MAP2K3: variants seen among roughly 807,000 people sequenced by gnomAD.
MAP2K3 encodes the protein dual specificity mitogen-activated protein kinase kinase 3.
In MAP2K3, 30 loss-of-function variants were observed where a neutral mutation model predicts 46.4. The observed-to-expected ratio is 0.65, with a 90% CI of 0.48 to 0.88. The LOEUF (loss-of-function observed/expected upper bound fraction) is 0.88, where lower values mean the gene tolerates loss of function less well. Among genes scored for constraint, MAP2K3 ranks in the 40% least tolerant of loss-of-function variants. The pLI, the probability that MAP2K3 is intolerant of heterozygous loss-of-function variation, is 0.00. For missense variants in MAP2K3, 380 were observed against 464.5 expected (o/e 0.82, Z 1.67); for synonymous variants, 189 against 176.3 (o/e 1.07, Z -0.57).
Position 21,311,984 on chromosome 17 carries a change from C to T in MAP2K3, c.775-158C>T, listed in dbSNP as rs189331942. On this transcript the variant is annotated intron_variant, in intron 9 of 11. Coordinates refer to ENST00000342679, the MANE Select transcript of MAP2K3 (RefSeq NM_145109.3). Reference sequence around the variant, plus strand: ...TAAGAGCTGGCATCCCCGGCTTTCTCGCCTTTGTTCTGCTGGGATGTGGTA... The same window carrying T: ...TAAGAGCTGGCATCCCCGGCTTTCTTGCCTTTGTTCTGCTGGGATGTGGTA... The T allele has an allele frequency of 6.0e-4, 405 of 669,634 alleles. 2 individuals carry two copies. In the African/African-American group the frequency reaches 6.7e-3, roughly 11 times the overall value. 41.5% of individuals were successfully genotyped at this position (669,634 alleles called of 1,614,324 possible).
Position 21,284,808 on chromosome 17 carries a change from T to C in MAP2K3, c.-113T>C, listed in dbSNP as rs565637100. 479 of 1,236,174 alleles carry C rather than the reference T, an allele frequency of 3.9e-4. 1 individual carries two copies. The African/African-American group carries it at 6.8e-3, about 17-fold the overall frequency. The allele number at this position is 1,236,174 out of a possible 1,614,324, so 76.6% of individuals were successfully genotyped here. A position where few individuals can be genotyped will look rare whatever the true frequency, so the allele number is the denominator to read the frequency against. ...CCGCCGCCGCCGCCGCCGCCGCCGC[T>C]GCTCCTCCGCCTGGCCTGGGCCGTC... On this transcript the variant is annotated 5_prime_UTR_variant, in exon 1 of 12. Transcript: ENST00000342679.
intron 3 of MAP2K3, among the ~76,000 whole-genome samples, chr17:21,299,294 C>T (rs1976454211): frequency 1.3e-5 from 2 of 152,308 alleles, no homozygotes; most frequent in Admixed American, 1.3e-4. Context: ...ACCTGGGCAA[C>T]CTGCATTTTA....
At chr17:21,309,569 A>G (rs1977065242) in intron 9 of MAP2K3, among the ~76,000 whole-genome samples, 1 of 151,608 alleles carries the variant, frequency 6.6e-6, no homozygotes, top group African/African-American at 2.4e-5. Flanking sequence ...ATATAATAAA[A>G]TACGTTTTAT....
chr17:21,295,552 G>A (rs1278477276), intron 1 of MAP2K3: 2 of 1,238,984 alleles, frequency 1.6e-6, no homozygotes, highest in Non-Finnish European at 2.1e-6. Flanking sequence ...TCTGACGTCT[G>A]CAGCAGCCTG....
intron 2 of MAP2K3, 68 bp from the exon 3 acceptor site, chr17:21,298,810 C>G: frequency 6.2e-7 from 1 of 1,611,516 alleles, no homozygotes. Flanking sequence ...CACACTGGCC[C>G]ATCTACTGCT....
At chr17:21,304,643 C>T (rs909734727) in intron 8 of MAP2K3, 90 bp downstream of exon 8, 89 of 1,574,282 alleles carry the variant, frequency 5.7e-5, no homozygotes, top group South Asian at 2.8e-4. Context: ...ACCCTCTGTC[C>T]GTAGGGGCAG....
chr17:21,295,709 C>G (rs777212496), intron 1 of MAP2K3: 9 of 1,289,408 alleles, frequency 7.0e-6, no homozygotes, highest in Non-Finnish European at 7.1e-6. Flanking sequence ...ATATACCACC[C>G]AGGCCTGCGA....
intron 7 of MAP2K3, 81 bp from the exon 8 acceptor site, chr17:21,304,345 G>A (rs1976770553): frequency 1.2e-6 from 2 of 1,606,712 alleles, no homozygotes; most frequent in Admixed American, 1.7e-5. Context: ...GGCGAGGGAG[G>A]GGGGCACAGC....
intron 1 of MAP2K3, among the ~76,000 whole-genome samples, chr17:21,294,294 T>G (rs914825985): frequency 3.9e-5 from 6 of 152,312 alleles, no homozygotes; most frequent in Admixed American, 6.5e-5. Flanking sequence ...TCCTGGAACA[T>G]CCGGAAGTCA....
intron 1 of MAP2K3, chr17:21,295,546 A>G: frequency 5.7e-6 from 7 of 1,231,832 alleles, no homozygotes; most frequent in Non-Finnish European, 5.2e-6. Context: ...CCCAGCTCTG[A>G]CGTCTGCAGC....
chr17:21,301,002 T>TCG lies in MAP2K3; in HGVS notation c.399+9_399+10insCG, dbSNP rs759857775. 2 of 1,589,374 alleles carry TCG rather than the reference T, an allele frequency of 1.3e-6. No individual in the cohort carries two copies. The highest frequency in any genetic ancestry group is 1.3e-5 in the African/African-American group (1 of 74,254). ...GGGCACTATTCAGAGAGGTGCGTCC[T>TCG]TGCATGATGCAGCTGGGGATCTCCA... On this transcript the variant is annotated intron_variant, in intron 5 of 11. Coordinates refer to ENST00000342679, the MANE Select transcript of MAP2K3 (RefSeq NM_145109.3).
chr17:21,299,473 G>T (rs545047919), intron 3 of MAP2K3, among the ~76,000 whole-genome samples: 1 of 152,428 alleles, frequency 6.6e-6, no homozygotes, highest in South Asian at 2.1e-4. Context: ...CTTGAGCCTC[G>T]GAGCTCGGGA....
rs201464770 is a variant in MAP2K3, at chr17:21,313,480, A to G, written c.915-12A>G. On this transcript the variant is annotated splice_polypyrimidine_tract_variant and intron_variant, in intron 10 of 11. Transcript: ENST00000342679. ...CTGCCAGCCTGGCCACAGCTGCACT[A>G]TTCTCTCCTAGCCTGAGGAAGAACC... 3 of 1,599,522 alleles carry G rather than the reference A, an allele frequency of 1.9e-6. No individual in the cohort carries two copies. The highest frequency in any genetic ancestry group is 3.4e-5 in the Admixed American group (2 of 59,478).
rs2363374 is a variant in MAP2K3 at position 21,314,274 on chromosome 17, G to T, written c.*44G>T. On this transcript the variant is annotated 3_prime_UTR_variant, in exon 12 of 12. Transcript: ENST00000342679. ...CACTCCGGCCCTCCAGAGCCCCACAGCCCCATCTGCGGGGGCAGTGCTCAC... is the reference window on the plus strand; with the variant it reads ...CACTCCGGCCCTCCAGAGCCCCACATCCCCATCTGCGGGGGCAGTGCTCAC... 108 of 1,533,006 alleles carry T rather than the reference G, an allele frequency of 7.0e-5. No individual in the cohort carries two copies. The Middle Eastern group carries it at 8.8e-4, about 12-fold the overall frequency. The allele number at this position is 1,533,006 out of a possible 1,614,324, so 95.0% of individuals were successfully genotyped here. A position where few individuals can be genotyped will look rare whatever the true frequency, so the allele number is the denominator to read the frequency against.
chr17:21,286,385 G>A (rs553518380), intron 1 of MAP2K3, among the ~76,000 whole-genome samples: 6 of 152,390 alleles, frequency 3.9e-5, no homozygotes, highest in Admixed American at 3.9e-4. Flanking sequence ...GCCAATGGGA[G>A]CCCTATGTGG....
chr17:21,290,672 G>T (rs1364957794), intron 1 of MAP2K3, among the ~76,000 whole-genome samples: 8 of 152,304 alleles, frequency 5.3e-5, no homozygotes, highest in Non-Finnish European at 1.5e-5. Context: ...CCCATGCTTT[G>T]TAAGATTTTA....
intron 1 of MAP2K3, among the ~76,000 whole-genome samples, chr17:21,294,011 C>G (rs1976095942): frequency 6.6e-6 from 1 of 152,310 alleles, no homozygotes; most frequent in Admixed American, 6.5e-5. Context: ...GGCACCTGTC[C>G]TGGGGAGAGG....
intron 1 of MAP2K3, among the ~76,000 whole-genome samples, chr17:21,294,289 GA>G (rs1319275933): frequency 1.3e-5 from 2 of 152,312 alleles, no homozygotes; most frequent in Non-Finnish European, 2.9e-5. Flanking sequence ...GGACCTCCTG[GA>G]ACATCCGGAA....
At chr17:21,298,263 C>G (rs1976375015) in intron 1 of MAP2K3, 150 bp from the exon 2 acceptor site, 1 of 1,157,268 alleles carries the variant, frequency 8.6e-7, no homozygotes, top group South Asian at 1.2e-5. Flanking sequence ...CTTTGAAGGC[C>G]TAACGGCCTG....
Sources: gnomAD v4.1 joint callset for allele counts (sites outside exome capture counted in the v4.1 genomes callset) on GRCh38, gnomAD v4.1.1 for gene constraint, MANE v1.5 for transcripts, NCBI Gene and HGNC (gene_info 2026-07-23, HGNC 2026-07-21) for gene names.